Variants in EPHA6 observed in about 807,000 individuals in gnomAD.
The protein encoded by EPHA6 is ephrin type-A receptor 6.
Under a neutral mutation model 112.0 loss-of-function variants are expected in EPHA6, and 50 were observed. The observed-to-expected ratio is 0.45, with a 90% CI of 0.36 to 0.56. The LOEUF (loss-of-function observed/expected upper bound fraction) is 0.56. Ranked by LOEUF, EPHA6 falls within the 20% of genes least tolerant of loss-of-function variation. The pLI is 0.00. For missense variants in EPHA6, 1,280 were observed against 1,417.4 expected (o/e 0.90, Z 1.56); for synonymous variants, 529 against 490.7 (o/e 1.08, Z -1.03).
chr3:97,726,027 T>C (rs2034753061), intron 15 of EPHA6, among the ~76,000 whole-genome samples: 1 of 152,156 alleles, frequency 6.6e-6, no homozygotes. Flanking sequence ...TACATAGGTG[T>C]TTAATCAATG....
At chr3:97,414,305 C>T (rs1323608339) in intron 6 of EPHA6, among the ~76,000 whole-genome samples, 1 of 151,988 alleles carries the variant, frequency 6.6e-6, no homozygotes, top group Non-Finnish European at 1.5e-5. Flanking sequence ...CTGCTTCAAC[C>T]AATTCTCCCA....
intron 5 of EPHA6, among the ~76,000 whole-genome samples, chr3:97,321,836 A>G (rs899199771): frequency 2.0e-5 from 3 of 152,088 alleles, no homozygotes; most frequent in Non-Finnish European, 4.4e-5. Flanking sequence ...TAAAAATCAT[A>G]TTTCCAGGCA....
chr3:97,026,941 T>A (rs1356731682), intron 3 of EPHA6, among the ~76,000 whole-genome samples: 1 of 152,196 alleles, frequency 6.6e-6, no homozygotes, highest in Non-Finnish European at 1.5e-5. Flanking sequence ...TTACTGGGTA[T>A]ATACTCAAAG....
intron 5 of EPHA6, among the ~76,000 whole-genome samples, chr3:97,257,402 A>C (rs1407917298): frequency 1.3e-5 from 2 of 152,020 alleles, no homozygotes; most frequent in Non-Finnish European, 2.9e-5. Context: ...CAATTCTGAG[A>C]AAAAAGGCAA....
chr3:96,933,654 T>C (rs2040444201), intron 2 of EPHA6, among the ~76,000 whole-genome samples: 1 of 152,154 alleles, frequency 6.6e-6, no homozygotes, highest in Non-Finnish European at 1.5e-5. Flanking sequence ...TGCAAATCGC[T>C]ATGAAAGTAC....
At chr3:97,610,765 C>T (rs1397989931) in intron 12 of EPHA6, 28 bp from the exon 13 acceptor site, 2 of 1,583,300 alleles carry the variant, frequency 1.3e-6, no homozygotes, top group East Asian at 2.2e-5. Flanking sequence ...TTGCTCTAAT[C>T]CATGTGTATT....
At chr3:97,684,715 A>G (rs566692721) in intron 14 of EPHA6, among the ~76,000 whole-genome samples, 2 of 152,298 alleles carry the variant, frequency 1.3e-5, no homozygotes, top group Admixed American at 6.5e-5. Context: ...GCCATAGAGT[A>G]CCTAGCCCTT....
intron 3 of EPHA6, among the ~76,000 whole-genome samples, chr3:97,067,188 CT>C (rs1483001056): frequency 1.3e-5 from 2 of 151,972 alleles, no homozygotes; most frequent in Non-Finnish European, 2.9e-5. Context: ...GTCCATCTGC[CT>C]TAGGCAAAAA....
chr3:97,606,806 A>T (rs1267915923), intron 12 of EPHA6, among the ~76,000 whole-genome samples: 1 of 151,190 alleles, frequency 6.6e-6, no homozygotes, highest in Non-Finnish European at 1.5e-5. Context: ...TATAATTGTA[A>T]TTCACTATCT....
At chr3:96,842,837 A>T (rs961118867) in intron 1 of EPHA6, among the ~76,000 whole-genome samples, 5 of 152,032 alleles carry the variant, frequency 3.3e-5, no homozygotes, top group African/African-American at 4.8e-5. Context: ...AAAATCTATT[A>T]ACACCTTGGA....
Position 97,426,271 on chromosome 3 carries a change from C to T in EPHA6, c.1731+20997C>T, listed in dbSNP as rs2089115023. Among the ~76,000 whole-genome samples the T allele has an allele frequency of 2.0e-5, 3 of 152,190 alleles. No individual in the cohort carries two copies. In the South Asian group the frequency reaches 6.2e-4, roughly 32 times the overall value. The stretch of plus-strand genomic sequence containing the variant: ...GTTCCATATAGCTGGGGAGGCCTCA[C>T]AATCATGGTGGAAGGCAAAGGAGAA... On this transcript the variant is annotated intron_variant, in intron 6 of 17. Transcript: ENST00000389672.
chr3:97,403,193 A>C (rs2087105428), intron 5 of EPHA6, among the ~76,000 whole-genome samples: 1 of 152,106 alleles, frequency 6.6e-6, no homozygotes, highest in African/African-American at 2.4e-5. Flanking sequence ...TCAAAATTAC[A>C]ATACCAATAC....
intron 11 of EPHA6, among the ~76,000 whole-genome samples, chr3:97,550,473 C>T (rs533598140): frequency 6.6e-6 from 1 of 152,288 alleles, no homozygotes; most frequent in African/African-American, 2.4e-5. Context: ...CGTCCAAACA[C>T]CAAATCTTTA....
intron 10 of EPHA6, among the ~76,000 whole-genome samples, chr3:97,500,991 G>C (rs563736451): frequency 6.6e-6 from 1 of 151,942 alleles, no homozygotes; most frequent in Non-Finnish European, 1.5e-5. Context: ...CCTACTCTTC[G>C]TAATATTTTC....
At chr3:97,231,570 C>A (rs953528797) in intron 4 of EPHA6, among the ~76,000 whole-genome samples, 7 of 151,900 alleles carry the variant, frequency 4.6e-5, no homozygotes, top group African/African-American at 1.7e-4. Flanking sequence ...GTTTATATAC[C>A]CTCTTTGTAG....
chr3:96,936,233 A>C (rs1046467674), intron 2 of EPHA6, among the ~76,000 whole-genome samples: 2 of 152,126 alleles, frequency 1.3e-5, no homozygotes, highest in African/African-American at 4.8e-5. Context: ...AAGTACATTA[A>C]AGTTCACATT....
intron 11 of EPHA6, among the ~76,000 whole-genome samples, chr3:97,554,614 C>A (rs748436721): frequency 1.2e-4 from 18 of 152,024 alleles, no homozygotes; most frequent in Non-Finnish European, 2.5e-4. Flanking sequence ...CTCTTTTCAA[C>A]ATAGAACTTC....
chr3:96,956,406 C>G (rs796395707), intron 2 of EPHA6, among the ~76,000 whole-genome samples: 1 of 152,140 alleles, frequency 6.6e-6, no homozygotes, highest in South Asian at 2.1e-4. Context: ...CAAATGGAAA[C>G]AATAGCACAC....
At chr3:96,882,746 G>A (rs538541830) in intron 2 of EPHA6, among the ~76,000 whole-genome samples, 1 of 145,272 alleles carries the variant, frequency 6.9e-6, no homozygotes, top group South Asian at 2.2e-4. Context: ...GTGTGTGTGT[G>A]TGTGTGTGTG....
Sources: gnomAD v4.1 joint callset for allele counts (sites outside exome capture counted in the v4.1 genomes callset) on GRCh38, gnomAD v4.1.1 for gene constraint, MANE v1.5 for transcripts, NCBI Gene and HGNC (gene_info 2026-07-23, HGNC 2026-07-21) for gene names.